TDRD5: variants seen among roughly 807,000 people sequenced by gnomAD.
TDRD5 encodes the protein tudor domain containing 5, also known as tudor domain-containing protein 5.
In TDRD5, 41 loss-of-function variants were observed where a neutral mutation model predicts 120.6. The ratio of observed to expected loss-of-function variants is 0.34; its 90% CI spans 0.26 to 0.44. The LOEUF is 0.44. Ranked by LOEUF, TDRD5 falls within the 20% of genes least tolerant of loss-of-function variation. The probability of loss-of-function intolerance (pLI) is 1.00; values close to 1 mark genes in which losing one functional copy is unlikely to be tolerated. For synonymous variants in TDRD5, 430 were observed against 433.7 expected (o/e 0.99, Z 0.11); for missense variants, 1,006 against 1,221.2 (o/e 0.82, Z 2.63).
chr1:179,669,485 T>C lies in TDRD5; in HGVS notation c.2860+81T>C. 6.0e-6 allele frequency: 9 copies of C among 1,487,746 alleles called. 1 individual carries two copies. The South Asian group carries it at 9.7e-5, about 16-fold the overall frequency. 92.2% of individuals were successfully genotyped at this position (1,487,746 alleles called of 1,614,324 possible). Reference sequence around the variant, plus strand: ...TGTTGCTAAAACAAACCTTCATTTATCCCTTGCAAAATATACCTTGAAACA... The same window carrying C: ...TGTTGCTAAAACAAACCTTCATTTACCCCTTGCAAAATATACCTTGAAACA... On this transcript the variant is annotated intron_variant, in intron 17 of 17. Transcript: ENST00000444136.
chr1:179,679,338 G>A (rs1288752145), intron 17 of TDRD5, among the ~76,000 whole-genome samples: 1 of 151,948 alleles, frequency 6.6e-6, no homozygotes, highest in African/African-American at 2.4e-5. Flanking sequence ...TTTTTATAAT[G>A]TCTTTGTCTG....
chr1:179,687,036 A>G (rs906900775), intron 17 of TDRD5, among the ~76,000 whole-genome samples: 1 of 151,922 alleles, frequency 6.6e-6, no homozygotes, highest in African/African-American at 2.4e-5. Context: ...TTGTGTCTCT[A>G]TCTCCTTCAG....
At chr1:179,666,994 C>T (rs1288398643) in intron 16 of TDRD5, among the ~76,000 whole-genome samples, 2 of 152,138 alleles carry the variant, frequency 1.3e-5, no homozygotes, top group African/African-American at 4.8e-5. Context: ...AAGAATAAAT[C>T]TGGTAGAGCA....
chr1:179,648,861 C>T (rs1031877201), intron 11 of TDRD5, among the ~76,000 whole-genome samples: 1 of 152,082 alleles, frequency 6.6e-6, no homozygotes, highest in African/African-American at 2.4e-5. Context: ...TCGTCAGGAC[C>T]CATTTTCCTT....
At chr1:179,604,495 C>CT (rs1329939529) in intron 4 of TDRD5, among the ~76,000 whole-genome samples, 2 of 151,936 alleles carry the variant, frequency 1.3e-5, no homozygotes, top group Admixed American at 6.6e-5. Flanking sequence ...CTCTTTCAGC[C>CT]TTTTTGATGT....
In TDRD5 at chr1:179,640,429, G is replaced by C. The variant is rs1431761203; in HGVS notation, c.1784G>C (p.Trp595Ser). ...PAQAIPCSLA[W>S]VRPVEEHWTS... The stretch of plus-strand genomic sequence containing the variant: ...CAGGCTATCCCTTGTTCTTTGGCTT[G>C]GGTGAGACCAGTAGAGGTATGTTTG... Residue 595 changes from tryptophan to serine, a missense_variant, in exon 11 of 18, where the codon TGG becomes TCG. Trp to Ser is a radical substitution (Grantham distance 177). Coordinates refer to ENST00000444136, the MANE Select transcript of TDRD5 (RefSeq NM_001199085.3). 1 of 1,614,104 alleles carries C rather than the reference G, an allele frequency of 6.2e-7. No individual in the cohort carries two copies. The highest frequency in any genetic ancestry group is 8.5e-7 in the Non-Finnish European group (1 of 1,179,996).
At chr1:179,669,616 G>A (rs1679748326) in intron 17 of TDRD5, among the ~76,000 whole-genome samples, 1 of 151,974 alleles carries the variant, frequency 6.6e-6, no homozygotes, top group Non-Finnish European at 1.5e-5. Flanking sequence ...TTTTTTGCCG[G>A]AGGGGTGGGG....
intron 11 of TDRD5, among the ~76,000 whole-genome samples, chr1:179,650,400 CAAA>C (rs35053562): frequency 1.3e-3 from 118 of 90,930 alleles, no homozygotes; most frequent in Non-Finnish European, 1.3e-3. Context: ...GACTCTGTCT[CAAA>C]AAAAAAAAAA....
rs116222929 is a variant in TDRD5 at position 179,637,073 on chromosome 1, T to C, written c.1520+1186T>C. Among the ~76,000 whole-genome samples, 339 of 152,352 alleles carry C rather than the reference T, an allele frequency of 2.2e-3. 6 individuals are homozygous for C. Among genetic ancestry groups the C allele is most frequent in the African/African-American group, 7.7e-3 (319 of 41,580 alleles). ...AAAATATGGACATTTTCAACCACTT[T>C]AGATTTATTCATGAACAACAATGTC... On this transcript the variant is annotated intron_variant, in intron 9 of 17. Coordinates refer to ENST00000444136, the MANE Select transcript of TDRD5 (RefSeq NM_001199085.3).
chr1:179,604,537 C>A (rs1048317822), intron 4 of TDRD5, among the ~76,000 whole-genome samples: 5 of 152,062 alleles, frequency 3.3e-5, no homozygotes, highest in African/African-American at 1.2e-4. Flanking sequence ...TTCCTCTTAG[C>A]ACCACCTTTG....
At chr1:179,612,220 C>G (rs1304346954) in intron 4 of TDRD5, among the ~76,000 whole-genome samples, 1 of 152,010 alleles carries the variant, frequency 6.6e-6, no homozygotes, top group Non-Finnish European at 1.5e-5. Context: ...AAAAGTTTTT[C>G]CTTTGTAAAA....
At chr1:179,688,087 A>T (rs1340364339) in intron 17 of TDRD5, among the ~76,000 whole-genome samples, 2 of 152,160 alleles carry the variant, frequency 1.3e-5, no homozygotes, top group African/African-American at 4.8e-5. Context: ...TCCTGTCATT[A>T]TGATGTTAGC....
chr1:179,609,520 C>T (rs1247167651), intron 4 of TDRD5, among the ~76,000 whole-genome samples: 1 of 152,196 alleles, frequency 6.6e-6, no homozygotes, highest in Non-Finnish European at 1.5e-5. Context: ...GATGTTCAAC[C>T]TATGCCTTAA....
chr1:179,672,464 G>C (rs912948559), intron 17 of TDRD5, among the ~76,000 whole-genome samples: 1 of 151,584 alleles, frequency 6.6e-6, no homozygotes, highest in Non-Finnish European at 1.5e-5. Context: ...ATTTTTTCTT[G>C]CTGAGTTCTT....
At position 179,663,460 on chromosome 1, in the gene TDRD5, A is replaced by C; in HGVS notation, c.2618A>C (p.Glu873Ala). The change falls in exon 16 of 18, where the codon GAA (glutamate) becomes GCA (alanine). Residue 873 changes from glutamate (E) to alanine (A), a missense_variant. Transcript: ENST00000444136. ...VHKPEVLGAQEKNTGTNRTQK... is the reference protein window; with the variant it reads ...VHKPEVLGAQAKNTGTNRTQK... The stretch of plus-strand genomic sequence containing the variant: ...AAGCCAGAAGTACTGGGTGCTCAGG[A>C]AAAAAATACTGGCACAAACAGGACT... 1 of 1,612,730 alleles carries C rather than the reference A, an allele frequency of 6.2e-7. No homozygotes were observed. Among genetic ancestry groups the C allele is most frequent in the Non-Finnish European group, 8.5e-7 (1 of 1,179,494 alleles).
chr1:179,600,739 T>G (rs148846392), intron 4 of TDRD5, among the ~76,000 whole-genome samples: 56 of 152,350 alleles, frequency 3.7e-4, no homozygotes, highest in Middle Eastern at 6.8e-3. Flanking sequence ...CCCTTTTTAA[T>G]GTAAACATTT....
rs574270902 is a variant in TDRD5 at position 179,592,627 on chromosome 1, A to G, written c.12A>G (p.Gln4=). The G allele has an allele frequency of 6.2e-7, 1 of 1,614,028 alleles. No homozygotes were observed. Among genetic ancestry groups the G allele is most frequent in the Admixed American group, 1.7e-5 (1 of 60,012 alleles). MSE[Q]ERIQECLRKE... is the part of the protein sequence containing the mutation. ...TCCTGTAGGGCACAATGTCTGAACA[A>G]GAGCGTATACAGGAATGTCTGCGGA... Residue 4 remains glutamine, a synonymous_variant, in exon 2 of 18, where the codon CAA becomes CAG. Transcript: ENST00000444136.
chr1:179,592,068 C>T lies in TDRD5; in HGVS notation c.-72C>T, dbSNP rs1012233773. On this transcript the variant is annotated 5_prime_UTR_variant, in exon 1 of 18. Coordinates refer to ENST00000444136, the MANE Select transcript of TDRD5 (RefSeq NM_001199085.3). Reference sequence around the variant, plus strand: ...GCAGGTGGAAGGGCCACGCCCCGCTCCCGTGAGGGTCACCGAGAGACGTTG... The same window carrying T: ...GCAGGTGGAAGGGCCACGCCCCGCTTCCGTGAGGGTCACCGAGAGACGTTG... The T allele has an allele frequency of 5.2e-5, 8 of 153,436 alleles. No homozygotes were observed. Among genetic ancestry groups the T allele is most frequent in the Admixed American group, 3.9e-4 (6 of 15,480 alleles). The allele number at this position is 153,436 out of a possible 1,614,324, so 9.5% of individuals were successfully genotyped here. A position where few individuals can be genotyped will look rare whatever the true frequency, so the allele number is the denominator to read the frequency against.
In TDRD5 at chr1:179,634,643, A is replaced by C. The variant is rs1219557711; in HGVS notation, c.1299+14A>C. On this transcript the variant is annotated intron_variant, in intron 8 of 17. Coordinates refer to ENST00000444136, the MANE Select transcript of TDRD5 (RefSeq NM_001199085.3). ...CCTTTACAGCTGGTGAGTGAGGTTT[A>C]AAGACTGTGCACTGGAGATTCAGCA... 1 of 1,598,762 alleles carries C rather than the reference A, an allele frequency of 6.3e-7. No homozygotes were observed. Among genetic ancestry groups the C allele is most frequent in the Non-Finnish European group, 8.5e-7 (1 of 1,176,100 alleles).
Sources: gnomAD v4.1 joint callset for allele counts (sites outside exome capture counted in the v4.1 genomes callset) on GRCh38, gnomAD v4.1.1 for gene constraint, MANE v1.5 for transcripts, NCBI Gene and HGNC (gene_info 2026-07-23, HGNC 2026-07-21) for gene names.